PIAS1: variants seen among roughly 807,000 people sequenced by gnomAD.
PIAS1 encodes E3 SUMO-protein ligase PIAS1.
In PIAS1, 6 loss-of-function variants were observed where a neutral mutation model predicts 71.3. The ratio of observed to expected loss-of-function variants is 0.08; its 90% CI spans 0.05 to 0.17. The LOEUF (loss-of-function observed/expected upper bound fraction) is 0.17, where lower values mean the gene tolerates loss of function less well. Ranked by LOEUF, PIAS1 falls within the 10% of genes least tolerant of loss-of-function variation. The pLI is 1.00. For missense variants in PIAS1, 555 were observed against 793.6 expected, an observed-to-expected ratio of 0.70 and a Z score of 3.61; for synonymous variants, 303 against 292.9, an observed-to-expected ratio of 1.03 and a Z score of -0.35.
At chr15:68,098,911 G>A (rs2092400334) in intron 2 of PIAS1, among the ~76,000 whole-genome samples, 1 of 152,234 alleles carries the variant, frequency 6.6e-6, no homozygotes, top group East Asian at 1.9e-4. Context: ...AATAGAAAGT[G>A]CATCTAAATA....
intron 5 of PIAS1, 143 bp downstream of exon 5, chr15:68,146,049 T>G: frequency 1.6e-6 from 1 of 621,406 alleles, no homozygotes; most frequent in Non-Finnish European, 2.9e-6. Flanking sequence ...GAAACACTTG[T>G]ACCAACTATG....
intron 1 of PIAS1, among the ~76,000 whole-genome samples, chr15:68,077,736 C>T (rs1234588119): frequency 6.6e-6 from 1 of 152,182 alleles, no homozygotes; most frequent in Non-Finnish European, 1.5e-5. Flanking sequence ...GTTGTTATTA[C>T]CATGTAGCAT....
intron 1 of PIAS1, among the ~76,000 whole-genome samples, chr15:68,059,160 A>G (rs2091930205): frequency 6.6e-6 from 1 of 151,584 alleles, no homozygotes; most frequent in Non-Finnish European, 1.5e-5. Flanking sequence ...GCCCGCCACT[A>G]CGCCCCGCTA....
intron 4 of PIAS1, 79 bp downstream of exon 4, chr15:68,142,416 AGTGCTGACT>A: frequency 9.2e-7 from 1 of 1,090,356 alleles, no homozygotes; most frequent in Non-Finnish European, 1.4e-6. Context: ...GTTAAGGTAC[AGTGCTGACT>A]GTAGGATATA....
chr15:68,075,744 A>G (rs1209484131), intron 1 of PIAS1, among the ~76,000 whole-genome samples: 1 of 147,928 alleles, frequency 6.8e-6, no homozygotes, highest in African/African-American at 2.5e-5. Context: ...TTTCTTTTTA[A>G]TATTTCTCTG....
intron 6 of PIAS1, among the ~76,000 whole-genome samples, chr15:68,150,669 A>G (rs1045287992): frequency 1.3e-5 from 2 of 152,230 alleles, no homozygotes; most frequent in African/African-American, 4.8e-5. Context: ...TCCTTTTAGC[A>G]TTTATTAAAC....
At chr15:68,102,184 A>C (rs2092432662) in intron 2 of PIAS1, among the ~76,000 whole-genome samples, 1 of 152,060 alleles carries the variant, frequency 6.6e-6, no homozygotes, top group South Asian at 2.1e-4. Flanking sequence ...ATTTATGGAG[A>C]TCTAACTGTT....
At chr15:68,166,520 C>T (rs894853814) in intron 8 of PIAS1, among the ~76,000 whole-genome samples, 4 of 151,834 alleles carry the variant, frequency 2.6e-5, no homozygotes, top group South Asian at 2.1e-4. Context: ...TGTTCTTTGC[C>T]GCCTCATTTT....
In PIAS1 at chr15:68,155,960, A is replaced by C. The variant is rs2092885940; in HGVS notation, c.934+2265A>C. Among the ~76,000 whole-genome samples, 2 of 152,184 alleles carry C rather than the reference A, an allele frequency of 1.3e-5. 1 individual carries two copies. Among genetic ancestry groups the C allele is most frequent in the Admixed American group, 1.3e-4 (2 of 15,278 alleles). ...TACCTAAACCACCCATTTCTTCCTTAATCTCAGTGCCACCATAATTACTTT... is the reference window on the plus strand; with the variant it reads ...TACCTAAACCACCCATTTCTTCCTTCATCTCAGTGCCACCATAATTACTTT... On this transcript the variant is annotated intron_variant, in intron 7 of 13. Transcript: ENST00000249636.
chr15:68,131,478 A>AT (rs200591616), intron 2 of PIAS1, among the ~76,000 whole-genome samples: 32 of 846 alleles, frequency 0.038, no homozygotes, highest in African/African-American at 0.073. Context: ...ATAAGATCTT[A>AT]TTAAAAAAAA....
At chr15:68,071,587 A>C (rs372775008) in intron 1 of PIAS1, among the ~76,000 whole-genome samples, 7 of 152,084 alleles carry the variant, frequency 4.6e-5, no homozygotes, top group African/African-American at 1.7e-4. Flanking sequence ...ATAACCATGT[A>C]AATCTAAGTA....
intron 1 of PIAS1, among the ~76,000 whole-genome samples, chr15:68,056,073 C>A (rs763163531): frequency 3.9e-5 from 6 of 152,142 alleles, no homozygotes; most frequent in Non-Finnish European, 7.4e-5. Context: ...AGATAATTAA[C>A]CCTTGAAATA....
chr15:68,135,105 C>T (rs1457691743), intron 2 of PIAS1, among the ~76,000 whole-genome samples: 5 of 48,902 alleles, frequency 1.0e-4, no homozygotes, highest in Non-Finnish European at 3.4e-4. Flanking sequence ...GCTGACCCCC[C>T]CACCTCCCTC....
At position 68,173,931 on chromosome 15, in the gene PIAS1, C is replaced by T. The variant is rs1459383389; in HGVS notation, c.1169+39C>T. On this transcript the variant is annotated intron_variant, in intron 9 of 13. Coordinates refer to ENST00000249636, the MANE Select transcript of PIAS1 (RefSeq NM_016166.3). The surrounding 1 kb of genome is among the most constrained non-coding windows in gnomAD (Gnocchi z 4.3). ...AGTGTTTTTGGTACCTTGAAATGACCATATATTATCTGGGTTTGTTACACA... is the reference window on the plus strand; with the variant it reads ...AGTGTTTTTGGTACCTTGAAATGACTATATATTATCTGGGTTTGTTACACA... 3 of 1,288,876 alleles carry T rather than the reference C, an allele frequency of 2.3e-6. No individual in the cohort carries two copies. Among genetic ancestry groups the T allele is most frequent in the African/African-American group, 3.0e-5 (2 of 66,568 alleles). 79.8% of individuals were successfully genotyped at this position (1,288,876 alleles called of 1,614,324 possible).
Position 68,192,674 on chromosome 15 carries a change from T to A in PIAS1, c.*4839T>A, listed in dbSNP as rs928143449. On this transcript the variant is annotated 3_prime_UTR_variant, in exon 14 of 14. Coordinates refer to ENST00000249636, the MANE Select transcript of PIAS1 (RefSeq NM_016166.3). ...CACTACAACTCTTGTTCCCTGCAGTTTTCCCTGTGCCCGGTGCCTAGTGAA... is the reference window on the plus strand; with the variant it reads ...CACTACAACTCTTGTTCCCTGCAGTATTCCCTGTGCCCGGTGCCTAGTGAA... 1 of 152,220 alleles carries A rather than the reference T, an allele frequency of 6.6e-6. No homozygotes were observed. Among genetic ancestry groups the A allele is most frequent in the African/African-American group, 2.4e-5 (1 of 41,440 alleles). The allele number at this position is 152,220 out of a possible 1,614,324, so 9.4% of individuals were successfully genotyped here. A position where few individuals can be genotyped will look rare whatever the true frequency, so the allele number is the denominator to read the frequency against.
At chr15:68,168,996 C>T (rs1737822243) in intron 8 of PIAS1, among the ~76,000 whole-genome samples, 1 of 152,108 alleles carries the variant, frequency 6.6e-6, no homozygotes. Flanking sequence ...AATTTCATGG[C>T]CTGTAGCTTG....
At chr15:68,077,983 A>G (rs761111480) in intron 1 of PIAS1, among the ~76,000 whole-genome samples, 9 of 152,152 alleles carry the variant, frequency 5.9e-5, no homozygotes, top group Non-Finnish European at 1.2e-4. Context: ...TAGGCTTTTC[A>G]GCTTTCTCTC....
chr15:68,127,329 G>A (rs1021154329), intron 2 of PIAS1, among the ~76,000 whole-genome samples: 1 of 152,118 alleles, frequency 6.6e-6, no homozygotes, highest in African/African-American at 2.4e-5. Flanking sequence ...TGAAGGAAGG[G>A]CAGTTGTCTA....
chr15:68,146,925 T>C (rs775718899), intron 6 of PIAS1, among the ~76,000 whole-genome samples: 7 of 152,220 alleles, frequency 4.6e-5, no homozygotes, highest in Non-Finnish European at 7.3e-5. Context: ...AATGTCCTCC[T>C]GTATCATCAC....
Sources: gnomAD v4.1 joint callset for allele counts (sites outside exome capture counted in the v4.1 genomes callset) on GRCh38, gnomAD v4.1.1 for gene constraint, Gnocchi (gnomAD v3.1) non-coding constraint, MANE v1.5 for transcripts, NCBI Gene and HGNC (gene_info 2026-07-23, HGNC 2026-07-21) for gene names.